Variants in PLD5 observed in about 807,000 individuals in gnomAD.
The protein encoded by PLD5 is phospholipase D family member 5.
In PLD5, 36 loss-of-function variants were observed where a neutral mutation model predicts 61.1. The ratio of observed to expected loss-of-function variants is 0.59; its 90% CI spans 0.45 to 0.78. The LOEUF is 0.78. Ranked by LOEUF, PLD5 falls within the 30% of genes least tolerant of loss-of-function variation. The pLI, the probability that PLD5 is intolerant of heterozygous loss-of-function variation, is 0.00. For synonymous variants in PLD5, 243 were observed against 242.8 expected, an observed-to-expected ratio of 1.00 and a Z score of -0.01; for missense variants, 515 against 644.4, an observed-to-expected ratio of 0.80 and a Z score of 2.17.
chr1:242,114,009 A>G lies in PLD5; in HGVS notation c.951T>C (p.Phe317=), dbSNP rs370958905. 271 of 1,613,354 alleles carry G rather than the reference A, an allele frequency of 1.7e-4. No homozygotes were observed. The highest frequency in any genetic ancestry group is 2.2e-4 in the Non-Finnish European group (258 of 1,179,736). ...QAFVSNSPKL[F]CPKNRSFDID... ...TGTCAAAACTTCTGTTTTTAGGGCA[A>G]AAGAGTTTTGGAGAATTCTGTGAAG... Residue 317 remains phenylalanine, a synonymous_variant, in exon 7 of 10, where the codon TTT becomes TTC. Transcript: ENST00000536534.
intron 5 of PLD5, among the ~76,000 whole-genome samples, chr1:242,138,195 C>T (rs1663891222): frequency 6.6e-6 from 1 of 152,170 alleles, no homozygotes; most frequent in Non-Finnish European, 1.5e-5. Context: ...TACTGAGCAT[C>T]TCTCACATAC....
intron 6 of PLD5, 28 bp downstream of exon 6, chr1:242,124,440 A>G (rs878865333): frequency 1.3e-6 from 2 of 1,595,094 alleles, no homozygotes; most frequent in Non-Finnish European, 1.7e-6. Flanking sequence ...AAGAAGGAGA[A>G]GGGGAGGAGA....
At chr1:242,098,758 T>C (rs1660454606) in intron 9 of PLD5, among the ~76,000 whole-genome samples, 1 of 152,218 alleles carries the variant, frequency 6.6e-6, no homozygotes, top group African/African-American at 2.4e-5. Flanking sequence ...CCTTTCTGTT[T>C]GTTAGTTTTC....
At chr1:242,349,655 T>C (rs1399235519) in intron 1 of PLD5, among the ~76,000 whole-genome samples, 2 of 151,582 alleles carry the variant, frequency 1.3e-5, no homozygotes, top group Non-Finnish European at 2.9e-5. Context: ...ATCTGAGCCA[T>C]CTCTCTCTCT....
chr1:242,443,986 C>T (rs1437005185), intron 1 of PLD5, among the ~76,000 whole-genome samples: 5 of 152,158 alleles, frequency 3.3e-5, no homozygotes, highest in Non-Finnish European at 7.4e-5. Flanking sequence ...CTAATGGGAC[C>T]TGTGCAGCAT....
At chr1:242,260,098 CAA>C (rs1673297049) in intron 4 of PLD5, among the ~76,000 whole-genome samples, 1 of 152,044 alleles carries the variant, frequency 6.6e-6, no homozygotes, top group Non-Finnish European at 1.5e-5. Flanking sequence ...CCTGTACTCC[CAA>C]CACTTTGGGA....
chr1:242,461,890 T>C (rs760337050), intron 1 of PLD5, among the ~76,000 whole-genome samples: 4 of 152,350 alleles, frequency 2.6e-5, no homozygotes, highest in Middle Eastern at 3.4e-3. Context: ...TGTCAGTTCA[T>C]GTCCTTTGCC....
chr1:242,506,140 C>T lies in PLD5; in HGVS notation c.189+17948G>A, dbSNP rs182966580. 3.3e-5 allele frequency among the ~76,000 whole-genome samples: 5 copies of T among 152,212 alleles called. 1 individual carries two copies. Among genetic ancestry groups the T allele is most frequent in the Non-Finnish European group, 5.9e-5 (4 of 68,014 alleles). ...ATAGAGAATTTTAACACTGGGGGAA[C>T]CTCGAGAGGTTCAACGCTTCCTTTG... is the stretch of plus-strand genomic sequence containing the variant. On this transcript the variant is annotated intron_variant, in intron 1 of 9. Transcript: ENST00000536534.
chr1:242,220,441 C>A (rs2149008128), intron 4 of PLD5, among the ~76,000 whole-genome samples: 1 of 152,278 alleles, frequency 6.6e-6, no homozygotes, highest in East Asian at 1.9e-4. Flanking sequence ...CCCGGCTGCA[C>A]CACTTACCAT....
At chr1:242,413,302 G>A (rs1182392345) in intron 1 of PLD5, among the ~76,000 whole-genome samples, 1 of 150,748 alleles carries the variant, frequency 6.6e-6, no homozygotes, top group African/African-American at 2.4e-5. Context: ...TTGTCGTCAT[G>A]ATCTCTCTTT....
At chr1:242,508,419 T>G (rs1313370475) in intron 1 of PLD5, among the ~76,000 whole-genome samples, 1 of 151,976 alleles carries the variant, frequency 6.6e-6, no homozygotes, top group Non-Finnish European at 1.5e-5. Context: ...AATGACCAAC[T>G]ATATCATTTC....
intron 2 of PLD5, among the ~76,000 whole-genome samples, chr1:242,296,036 T>C (rs1234924520): frequency 6.6e-6 from 1 of 152,222 alleles, no homozygotes. Context: ...AACAGATTAC[T>C]AACCTCTTTC....
Position 242,175,044 on chromosome 1 carries a change from TA to T in PLD5, c.735+44943del, listed in dbSNP as rs200603553. Among the ~76,000 whole-genome samples the T allele has an allele frequency of 7.2e-3, 1,094 of 150,984 alleles. 15 individuals are homozygous for T. The highest frequency in any genetic ancestry group is 0.026 in the African/African-American group (1,053 of 41,146). ...TACCCTAGAACTTAAAGTATAATAA[TA>T]AAAAAAAACTATTCCAAACAATAGA... is the stretch of plus-strand genomic sequence containing the variant. On this transcript the variant is annotated intron_variant, in intron 5 of 9. Transcript: ENST00000536534.
At chr1:242,339,992 G>C (rs2342260) in intron 2 of PLD5, among the ~76,000 whole-genome samples, 1 of 152,066 alleles carries the variant, frequency 6.6e-6, no homozygotes, top group East Asian at 1.9e-4. Context: ...TCCTCTTAGA[G>C]CTTAGAAAAT....
intron 1 of PLD5, among the ~76,000 whole-genome samples, chr1:242,351,257 A>G (rs1186007817): frequency 2.0e-5 from 3 of 152,132 alleles, no homozygotes; most frequent in Admixed American, 2.0e-4. Context: ...GCACAACCCT[A>G]ACAAATAGAA....
chr1:242,239,729 G>A (rs145008934), intron 4 of PLD5, among the ~76,000 whole-genome samples: 300 of 152,180 alleles, frequency 2.0e-3, no homozygotes, highest in African/African-American at 6.9e-3. Context: ...TTGTCCCCTC[G>A]GGCAAGTCGT....
intron 1 of PLD5, among the ~76,000 whole-genome samples, chr1:242,480,220 A>G (rs932983616): frequency 6.6e-6 from 1 of 152,228 alleles, no homozygotes; most frequent in Non-Finnish European, 1.5e-5. Context: ...ACTATGGCCA[A>G]TTGACTTTTT....
At position 242,331,079 on chromosome 1, in the gene PLD5, T is replaced by C. The variant is rs184195863; in HGVS notation, c.326+17027A>G. 3.3e-5 allele frequency among the ~76,000 whole-genome samples: 5 copies of C among 152,336 alleles called. No homozygotes were observed. In the East Asian group the frequency reaches 7.7e-4, roughly 23 times the overall value. ...GGGTACTACTGGGTCAGATATGCTA[T>C]TTCCACACTGCATTTGTTCAATATT... On this transcript the variant is annotated intron_variant, in intron 2 of 9. Coordinates refer to ENST00000536534, the MANE Select transcript of PLD5 (RefSeq NM_001372062.1).
chr1:242,314,947 T>C (rs1676921071), intron 2 of PLD5, among the ~76,000 whole-genome samples: 1 of 152,200 alleles, frequency 6.6e-6, no homozygotes, highest in African/African-American at 2.4e-5. Flanking sequence ...CAGCCTAAAA[T>C]GCTTCCTAAT....
Sources: gnomAD v4.1 joint callset for allele counts (sites outside exome capture counted in the v4.1 genomes callset) on GRCh38, gnomAD v4.1.1 for gene constraint, MANE v1.5 for transcripts, NCBI Gene and HGNC (gene_info 2026-07-23, HGNC 2026-07-21) for gene names.